The following CHD6 variants were observed in gnomAD, a reference collection of about 807,000 sequenced individuals.
The protein encoded by CHD6 is chromodomain helicase DNA binding protein 6, also known as ATP-dependent chromatin remodeler CHD6.
Under a neutral mutation model 276.9 loss-of-function variants are expected in CHD6, and 50 were observed. The observed-to-expected ratio is 0.18, with a 90% CI of 0.14 to 0.23. The LOEUF is 0.23. CHD6 is among the 10% of genes least tolerant of loss of function. The probability of loss-of-function intolerance (pLI) is 1.00; values close to 1 mark genes in which losing one functional copy is unlikely to be tolerated. For synonymous variants in CHD6, 1,173 were observed against 1,229.3 expected (o/e 0.95, Z 0.96); for missense variants, 2,564 against 3,365.8 (o/e 0.76, Z 5.89).
intron 33 of CHD6, 52 bp downstream of exon 33, chr20:41,416,536 G>T: frequency 6.6e-7 from 1 of 1,514,212 alleles, no homozygotes; most frequent in African/African-American, 1.4e-5. Context: ...CAGAGACGTG[G>T]AACACGCCCA....
chr20:41,416,449 C>T, intron 33 of CHD6, 139 bp downstream of exon 33: 1 of 700,126 alleles, frequency 1.4e-6, no homozygotes, highest in East Asian at 2.6e-5. Flanking sequence ...AGTCTAAATT[C>T]CCCAATCAAC....
rs58395642 is a variant in CHD6 at position 41,579,129 on chromosome 20, CAAAAAA to C, written c.-23-27775_-23-27770del. 9.3e-5 allele frequency among the ~76,000 whole-genome samples: 4 copies of C among 42,804 alleles called. No individual in the cohort carries two copies. In the East Asian group the frequency reaches 2.5e-3, roughly 27 times the overall value. The allele number at this position is 42,804 out of a possible 152,430, so 28.1% of individuals were successfully genotyped here. A position where few individuals can be genotyped will look rare whatever the true frequency, so the allele number is the denominator to read the frequency against. On this transcript the variant is annotated intron_variant, in intron 1 of 36. Transcript: ENST00000373233. Reference sequence around the variant, plus strand: ...TGGGCAACAGAACGAGACTCCATCTCAAAAAAAAAAAAAAAAAAAAAAAAGTGCCAG... The same window carrying C: ...TGGGCAACAGAACGAGACTCCATCTCAAAAAAAAAAAAAAAAAAGTGCCAG...
chr20:41,538,307 C>T (rs1198097068), intron 2 of CHD6, among the ~76,000 whole-genome samples: 6 of 151,876 alleles, frequency 4.0e-5, no homozygotes, highest in Non-Finnish European at 5.9e-5. Flanking sequence ...GCTGAGATCG[C>T]GCCACTGTAC....
chr20:41,466,696 G>C (rs1380316120), intron 17 of CHD6, among the ~76,000 whole-genome samples: 3 of 152,172 alleles, frequency 2.0e-5, no homozygotes, highest in African/African-American at 7.2e-5. Flanking sequence ...TTACAAGAGG[G>C]AGCTGAAAAG....
chr20:41,569,215 A>G (rs1601151853), intron 1 of CHD6, among the ~76,000 whole-genome samples: 1 of 152,318 alleles, frequency 6.6e-6, no homozygotes, highest in Middle Eastern at 3.4e-3. Context: ...GGTTCTCCCA[A>G]TCTGGTTGTA....
At chr20:41,585,000 G>C (rs1480684799) in intron 1 of CHD6, among the ~76,000 whole-genome samples, 1 of 151,956 alleles carries the variant, frequency 6.6e-6, no homozygotes, top group Non-Finnish European at 1.5e-5. Flanking sequence ...AGAAACCAAA[G>C]CGAGTTTTTT....
intron 15 of CHD6, among the ~76,000 whole-genome samples, 194 bp from the exon 16 acceptor site, chr20:41,483,713 G>T (rs949572542): frequency 2.0e-5 from 3 of 152,106 alleles, no homozygotes; most frequent in Admixed American, 6.5e-5. Context: ...GAGAGAATGC[G>T]GGTGCTCCAC....
chr20:41,592,769 C>G (rs185395877), intron 1 of CHD6, among the ~76,000 whole-genome samples: 1 of 152,208 alleles, frequency 6.6e-6, no homozygotes, highest in East Asian at 1.9e-4. Flanking sequence ...TGAGAACACC[C>G]GGGGATGCCA....
At position 41,439,989 on chromosome 20, in the gene CHD6, T is replaced by A; in HGVS notation, c.4007+11A>T. The A allele has an allele frequency of 6.2e-7, 1 of 1,613,604 alleles. No individual in the cohort carries two copies. The highest frequency in any genetic ancestry group is 1.3e-5 in the African/African-American group (1 of 75,024). ...CATGTCACATGAGGGCTGGCCTACG[T>A]GGCTTCTCACCTTTCAGGAATGTCT... On this transcript the variant is annotated intron_variant, in intron 26 of 36. Transcript: ENST00000373233.
chr20:41,606,236 G>T (rs753609615), intron 1 of CHD6, among the ~76,000 whole-genome samples: 3 of 151,996 alleles, frequency 2.0e-5, no homozygotes, highest in Non-Finnish European at 2.9e-5. Context: ...AACTGGCCAG[G>T]TGTGGTAGCT....
chr20:41,406,458 G>A (rs1010306521), intron 36 of CHD6, among the ~76,000 whole-genome samples: 7 of 152,240 alleles, frequency 4.6e-5, no homozygotes, highest in African/African-American at 7.2e-5. Context: ...GGGGAGGGCA[G>A]ATTGCTCCAG....
chr20:41,498,191 C>A lies in CHD6; in HGVS notation c.951G>T (p.Leu317=). The A allele has an allele frequency of 6.2e-7, 1 of 1,611,662 alleles. No individual in the cohort carries two copies. Among genetic ancestry groups the A allele is most frequent in the South Asian group, 1.1e-5 (1 of 90,568 alleles). Residue 317 remains leucine, a synonymous_variant, in exon 7 of 37, where the codon CTG becomes CTT. Transcript: ENST00000373233. ...HPGEPPFDLE[L]FYVKYRNFSY... is the part of the protein sequence containing the mutation. ...ACAAATTTCTATACTTAACGTAGAACAGCTCCAAGTCGAACGGAGGTTCTC... is the reference window on the plus strand; with the variant it reads ...ACAAATTTCTATACTTAACGTAGAAAAGCTCCAAGTCGAACGGAGGTTCTC...
intron 4 of CHD6, 84 bp downstream of exon 4, chr20:41,514,721 G>C: frequency 6.8e-7 from 1 of 1,467,838 alleles, no homozygotes; most frequent in Non-Finnish European, 9.3e-7. Flanking sequence ...CTAGAGAAAG[G>C]CATAGAGGAG....
At chr20:41,504,926 C>A (rs368520989) in intron 5 of CHD6, among the ~76,000 whole-genome samples, 1 of 152,152 alleles carries the variant, frequency 6.6e-6, no homozygotes, top group Non-Finnish European at 1.5e-5. Context: ...ATATTTTCTA[C>A]TACAAGTATT....
At chr20:41,526,726 C>T (rs540857684) in intron 3 of CHD6, among the ~76,000 whole-genome samples, 1 of 152,282 alleles carries the variant, frequency 6.6e-6, no homozygotes, top group East Asian at 1.9e-4. Flanking sequence ...CACTTCTTTT[C>T]CTCTTTTTGC....
At chr20:41,526,980 C>G (rs1356883028) in intron 3 of CHD6, among the ~76,000 whole-genome samples, 2 of 152,178 alleles carry the variant, frequency 1.3e-5, no homozygotes, top group African/African-American at 4.8e-5. Context: ...AGTCTGAGGA[C>G]CAGAGATCCA....
intron 5 of CHD6, among the ~76,000 whole-genome samples, chr20:41,504,231 A>AGTCACTCC (rs1322837484): frequency 6.6e-6 from 1 of 151,100 alleles, no homozygotes; most frequent in Non-Finnish European, 1.5e-5. Context: ...CTGTCTTCAT[A>AGTCACTCC]GTCACTCCTC....
intron 17 of CHD6, among the ~76,000 whole-genome samples, chr20:41,462,357 C>T (rs2042821945): frequency 6.6e-6 from 1 of 152,196 alleles, no homozygotes; most frequent in Admixed American, 6.5e-5. Context: ...ACAACTCACT[C>T]AAAACATAAT....
Position 41,559,147 on chromosome 20 carries a change from G to GACACAC in CHD6, c.-23-7793_-23-7788dup, listed in dbSNP as rs58169591. On this transcript the variant is annotated intron_variant, in intron 1 of 36. Coordinates refer to ENST00000373233, the MANE Select transcript of CHD6 (RefSeq NM_032221.5). ...GGTTTTAAGCTTATTGCCTGTTCCT[G>GACACAC]ACACACACACACACACACACACACA... Among the ~76,000 whole-genome samples the GACACAC allele has an allele frequency of 1.8e-3, 268 of 148,268 alleles. 1 individual carries two copies. The highest frequency in any genetic ancestry group is 4.7e-3 in the African/African-American group (192 of 40,768).
Sources: allele counts gnomAD v4.1 joint callset (sites outside exome capture counted in the v4.1 genomes callset), GRCh38; gene constraint gnomAD v4.1.1; transcripts MANE v1.5; gene names NCBI Gene and HGNC (gene_info 2026-07-23, HGNC 2026-07-21).